MYRIP: variants seen among roughly 807,000 people sequenced by gnomAD.
MYRIP encodes the protein rab effector MyRIP.
In MYRIP, 49 loss-of-function variants were observed where a neutral mutation model predicts 98.0. The observed-to-expected ratio is 0.50, with a 90% CI of 0.40 to 0.63. MYRIP has a LOEUF of 0.63. Among genes scored for constraint, MYRIP ranks in the 30% least tolerant of loss-of-function variants. The probability of loss-of-function intolerance (pLI) is 0.00; values close to 1 mark genes in which losing one functional copy is unlikely to be tolerated. For synonymous variants in MYRIP, 404 were observed against 409.5 expected, an observed-to-expected ratio of 0.99 and a Z score of 0.16; for missense variants, 1,004 against 1,058.2, an observed-to-expected ratio of 0.95 and a Z score of 0.71.
intron 2 of MYRIP, among the ~76,000 whole-genome samples, chr3:40,042,743 T>A (rs4676558): frequency 0.89 from 135,798 of 152,230 alleles, 61,848 homozygotes; most frequent in Non-Finnish European, 0.98. Context: ...GTAGTAAAAT[T>A]TAGTATAGAC....
At chr3:40,153,258 G>C (rs1027537518) in intron 4 of MYRIP, among the ~76,000 whole-genome samples, 1 of 152,172 alleles carries the variant, frequency 6.6e-6, no homozygotes, top group Non-Finnish European at 1.5e-5. Context: ...CAATTTATGA[G>C]ATGGTACTCA....
At chr3:39,958,215 T>C (rs1022578282) in intron 2 of MYRIP, among the ~76,000 whole-genome samples, 5 of 152,094 alleles carry the variant, frequency 3.3e-5, no homozygotes, top group Non-Finnish European at 5.9e-5. Flanking sequence ...GAACCCGCAT[T>C]GCCAAGTCAA....
At chr3:39,968,199 GT>G (rs1412510562) in intron 2 of MYRIP, among the ~76,000 whole-genome samples, 2 of 147,732 alleles carry the variant, frequency 1.4e-5, no homozygotes, top group African/African-American at 5.1e-5. Flanking sequence ...GGTTTTTATA[GT>G]TTTGGGTTTC....
chr3:39,818,759 G>A (rs757911076), intron 1 of MYRIP, among the ~76,000 whole-genome samples: 43 of 152,032 alleles, frequency 2.8e-4, no homozygotes, highest in South Asian at 4.1e-4. Context: ...TGAAATTGCA[G>A]GGTCTTATTT....
At chr3:39,817,482 C>G (rs1296165288) in intron 1 of MYRIP, among the ~76,000 whole-genome samples, 1 of 151,998 alleles carries the variant, frequency 6.6e-6, no homozygotes, top group African/African-American at 2.4e-5. Context: ...AAGAAATATG[C>G]TAGGAATACA....
At chr3:39,953,784 G>A (rs147715431) in intron 2 of MYRIP, among the ~76,000 whole-genome samples, 9 of 152,226 alleles carry the variant, frequency 5.9e-5, no homozygotes, top group East Asian at 5.8e-4. Context: ...AAGGGAAGCC[G>A]TGACAGATGG....
intron 2 of MYRIP, among the ~76,000 whole-genome samples, chr3:39,973,558 G>C (rs538361152): frequency 6.6e-6 from 1 of 152,236 alleles, no homozygotes; most frequent in African/African-American, 2.4e-5. Flanking sequence ...GGACCTAGTA[G>C]ACATCTACAG....
At chr3:40,067,641 C>A (rs1461974799) in intron 3 of MYRIP, among the ~76,000 whole-genome samples, 1 of 152,064 alleles carries the variant, frequency 6.6e-6, no homozygotes, top group African/African-American at 2.4e-5. Context: ...GAAGGATAGG[C>A]CTTATTTCTA....
intron 3 of MYRIP, among the ~76,000 whole-genome samples, chr3:40,088,590 G>C (rs1244997575): frequency 6.6e-6 from 1 of 152,164 alleles, no homozygotes; most frequent in Non-Finnish European, 1.5e-5. Context: ...ATGGGAGACA[G>C]AAAACCATCA....
At chr3:39,909,612 G>T (rs12496286) in intron 2 of MYRIP, among the ~76,000 whole-genome samples, 168 of 152,130 alleles carry the variant, frequency 1.1e-3, no homozygotes, top group African/African-American at 3.9e-3. Context: ...TGAAGGAGAG[G>T]TGTGTTTGAT....
intron 10 of MYRIP, among the ~76,000 whole-genome samples, chr3:40,200,809 C>G (rs555572544): frequency 6.6e-6 from 1 of 152,186 alleles, no homozygotes; most frequent in Non-Finnish European, 1.5e-5. Context: ...CGTGTCATCA[C>G]GTGATTGCCA....
intron 1 of MYRIP, among the ~76,000 whole-genome samples, chr3:39,879,457 C>G (rs1943105289): frequency 6.6e-6 from 1 of 151,752 alleles, no homozygotes; most frequent in South Asian, 2.1e-4. Flanking sequence ...TACAGAGACT[C>G]TGGTTTCTGT....
At chr3:39,989,669 G>GC (rs1470389863) in intron 2 of MYRIP, among the ~76,000 whole-genome samples, 1 of 152,078 alleles carries the variant, frequency 6.6e-6, no homozygotes, top group African/African-American at 2.4e-5. Flanking sequence ...CTCCCGCTAG[G>GC]GCTCAGGCCC....
chr3:39,933,071 G>T (rs1944577023), intron 2 of MYRIP, among the ~76,000 whole-genome samples: 1 of 152,144 alleles, frequency 6.6e-6, no homozygotes, highest in Non-Finnish European at 1.5e-5. Flanking sequence ...AGGAAAATGG[G>T]CAAAAGTCTC....
At chr3:39,883,172 C>A (rs1423088633) in intron 1 of MYRIP, among the ~76,000 whole-genome samples, 1 of 152,066 alleles carries the variant, frequency 6.6e-6, no homozygotes, top group Non-Finnish European at 1.5e-5. Flanking sequence ...AGAGGCCTGG[C>A]AAGGGGAGAG....
At chr3:39,829,856 C>A (rs768041035) in intron 1 of MYRIP, among the ~76,000 whole-genome samples, 2 of 152,084 alleles carry the variant, frequency 1.3e-5, no homozygotes, top group South Asian at 4.1e-4. Context: ...CTGAGGTATG[C>A]CAAGTTGTGA....
Position 40,258,208 on chromosome 3 carries a change from G to T in MYRIP, c.*42G>T, listed in dbSNP as rs368690551. 1 of 1,612,030 alleles carries T rather than the reference G, an allele frequency of 6.2e-7. No individual in the cohort carries two copies. The highest frequency in any genetic ancestry group is 8.5e-7 in the Non-Finnish European group (1 of 1,178,158). On this transcript the variant is annotated 3_prime_UTR_variant, in exon 17 of 17. Coordinates refer to ENST00000302541, the MANE Select transcript of MYRIP (RefSeq NM_015460.4). ...TGCCAGTGACCCACTGCCTCCGGCC[G>T]TACACGACAGTGCCTTGACCCAACA...
intron 2 of MYRIP, among the ~76,000 whole-genome samples, chr3:40,014,238 A>ATTC (rs1946816241): frequency 6.6e-6 from 1 of 152,244 alleles, no homozygotes; most frequent in Non-Finnish European, 1.5e-5. Flanking sequence ...CCAAGATCAA[A>ATTC]ATCTTAAAAG....
In MYRIP at chr3:40,182,262, A is replaced by G; in HGVS notation, c.916A>G (p.Lys306Glu). The change falls in exon 9 of 17, where the codon AAG (lysine) becomes GAG (glutamate). Residue 306 changes from lysine (K) to glutamate (E), a missense_variant. Physicochemically the swap from Lys to Glu is moderately conservative, Grantham distance 56. Around this residue, in one of 3 missense-constraint regions of MYRIP, gnomAD observed 880 missense variants for 907.7 expected, o/e 0.97. Coordinates refer to ENST00000302541, the MANE Select transcript of MYRIP (RefSeq NM_015460.4). ...AFSITGEEAL[K>E]TPPVEAPSRQ... ...CTCAATCACTGGAGAAGAAGCCCTG[A>G]AGACCCCTCCAGTGGAGGCTCCATC... The G allele has an allele frequency of 6.2e-7, 1 of 1,613,842 alleles. No individual in the cohort carries two copies.
Sources: gnomAD v4.1 joint callset for allele counts (sites outside exome capture counted in the v4.1 genomes callset) on GRCh38, gnomAD v4.1.1 for gene constraint, gnomAD v4.1.1 regional missense constraint, MANE v1.5 for transcripts, NCBI Gene and HGNC (gene_info 2026-07-23, HGNC 2026-07-21) for gene names.